The following MYRIP variants were observed in gnomAD, a reference collection of about 807,000 sequenced individuals.
The protein encoded by MYRIP is rab effector MyRIP.
MYRIP carries 49 observed loss-of-function variants against 98.0 expected under a neutral mutation model. The ratio of observed to expected loss-of-function variants is 0.50; its 90% CI spans 0.40 to 0.63. The LOEUF is 0.63. Ranked by LOEUF, MYRIP falls within the 30% of genes least tolerant of loss-of-function variation. The pLI is 0.00. For synonymous variants in MYRIP, 404 were observed against 409.5 expected (o/e 0.99, Z 0.16); for missense variants, 1,004 against 1,058.2 (o/e 0.95, Z 0.71).
In MYRIP at chr3:40,075,901, G is replaced by A. The variant is rs114075244; in HGVS notation, c.332+31630G>A. ...ATTGTCAGGAAAGCTAATCTGTGAT[G>A]ACAAAGAAACCCCAAAGGCTGGGCA... On this transcript the variant is annotated intron_variant, in intron 3 of 16. Coordinates refer to ENST00000302541, the MANE Select transcript of MYRIP (RefSeq NM_015460.4). Among the ~76,000 whole-genome samples, 1,077 of 152,232 alleles carry A rather than the reference G, an allele frequency of 7.1e-3. 17 individuals are homozygous for A. Among genetic ancestry groups the A allele is most frequent in the African/African-American group, 0.025 (1,018 of 41,546 alleles).
intron 3 of MYRIP, among the ~76,000 whole-genome samples, chr3:40,134,116 AG>A (rs1949707430): frequency 1.3e-5 from 2 of 152,226 alleles, no homozygotes; most frequent in Non-Finnish European, 2.9e-5. Flanking sequence ...GCAAGAAATC[AG>A]GGAATTCCCT....
intron 3 of MYRIP, among the ~76,000 whole-genome samples, chr3:40,062,405 T>C (rs955384768): frequency 2.0e-5 from 3 of 152,200 alleles, no homozygotes; most frequent in African/African-American, 4.8e-5. Flanking sequence ...CAGATGGTCA[T>C]AGGTGTGCAG....
At chr3:40,045,150 C>A (rs1334748076) in intron 3 of MYRIP, among the ~76,000 whole-genome samples, 2 of 152,126 alleles carry the variant, frequency 1.3e-5, no homozygotes, top group African/African-American at 4.8e-5. Flanking sequence ...TTCTTTCCTC[C>A]TTTCTCCTCT....
intron 1 of MYRIP, among the ~76,000 whole-genome samples, chr3:39,847,447 A>G (rs1281376324): frequency 6.6e-6 from 1 of 152,176 alleles, no homozygotes; most frequent in Non-Finnish European, 1.5e-5. Context: ...AGAAATACTC[A>G]TGATAGTTAC....
intron 10 of MYRIP, among the ~76,000 whole-genome samples, chr3:40,196,202 C>T (rs1325168617): frequency 6.6e-6 from 1 of 151,766 alleles, no homozygotes; most frequent in African/African-American, 2.4e-5. Context: ...TACTTTCATT[C>T]ATTAATCCCA....
chr3:39,968,620 AG>A (rs1317427168), intron 2 of MYRIP, among the ~76,000 whole-genome samples: 1 of 152,150 alleles, frequency 6.6e-6, no homozygotes, highest in Non-Finnish European at 1.5e-5. Flanking sequence ...GTTTTCTTGA[AG>A]ATCAGATGGT....
chr3:39,892,427 G>T (rs1018264593), intron 1 of MYRIP, among the ~76,000 whole-genome samples: 2 of 152,192 alleles, frequency 1.3e-5, no homozygotes, highest in African/African-American at 4.8e-5. Context: ...AGGCCTTAGG[G>T]GTTAAGCACA....
At chr3:40,214,996 G>T (rs1159866384) in intron 11 of MYRIP, among the ~76,000 whole-genome samples, 2 of 152,104 alleles carry the variant, frequency 1.3e-5, no homozygotes, top group Non-Finnish European at 1.5e-5. Flanking sequence ...GTAGATATGC[G>T]ATAGAATACA....
chr3:40,177,593 T>TGCATTC (rs769486026), intron 8 of MYRIP, among the ~76,000 whole-genome samples: 4 of 152,206 alleles, frequency 2.6e-5, no homozygotes, highest in Non-Finnish European at 5.9e-5. Context: ...TCAGTGCGAA[T>TGCATTC]GCTCCATTTT....
In MYRIP at chr3:39,937,252, G is replaced by A. The variant is rs1168507558; in HGVS notation, c.110+36326G>A. ...TCTGAGACATTAACATTGTGCATGT[G>A]CCTCACACAAGGTCAAATAGTAAAA... On this transcript the variant is annotated intron_variant, in intron 2 of 16. Transcript: ENST00000302541. Among the ~76,000 whole-genome samples the A allele has an allele frequency of 5.3e-5, 8 of 152,308 alleles. No homozygotes were observed. The East Asian group carries it at 1.5e-3, about 29-fold the overall frequency.
At chr3:40,021,186 T>C (rs1179538165) in intron 2 of MYRIP, among the ~76,000 whole-genome samples, 2 of 152,188 alleles carry the variant, frequency 1.3e-5, no homozygotes, top group Non-Finnish European at 2.9e-5. Context: ...AAAAACATTC[T>C]GTAGGATTTT....
At chr3:40,123,342 A>G (rs917228448) in intron 3 of MYRIP, among the ~76,000 whole-genome samples, 8 of 152,190 alleles carry the variant, frequency 5.3e-5, no homozygotes, top group African/African-American at 1.9e-4. Context: ...GTTATTTAAG[A>G]TTGTCCTTTG....
chr3:40,035,268 G>A (rs1348934683), intron 2 of MYRIP, among the ~76,000 whole-genome samples: 5 of 151,200 alleles, frequency 3.3e-5, no homozygotes, highest in South Asian at 2.1e-4. Flanking sequence ...AATCAAAACC[G>A]CAAAACCCCA....
chr3:39,867,229 G>A (rs1246211553), intron 1 of MYRIP, among the ~76,000 whole-genome samples: 3 of 152,196 alleles, frequency 2.0e-5, no homozygotes, highest in South Asian at 2.1e-4. Flanking sequence ...AAACTCCCAG[G>A]AGAAAACATT....
At chr3:40,133,737 CAG>C (rs955712787) in intron 3 of MYRIP, among the ~76,000 whole-genome samples, 5 of 152,092 alleles carry the variant, frequency 3.3e-5, no homozygotes, top group Non-Finnish European at 5.9e-5. Context: ...TCTCCAAAAA[CAG>C]GGGGAAAAAA....
At chr3:40,074,953 A>C (rs1948312860) in intron 3 of MYRIP, among the ~76,000 whole-genome samples, 1 of 152,220 alleles carries the variant, frequency 6.6e-6, no homozygotes, top group South Asian at 2.1e-4. Flanking sequence ...GTTTCCTCAA[A>C]ATTATAAAAG....
intron 3 of MYRIP, among the ~76,000 whole-genome samples, chr3:40,054,769 T>C (rs954934798): frequency 1.3e-5 from 2 of 152,182 alleles, no homozygotes; most frequent in African/African-American, 4.8e-5. Context: ...AATGTCTCTC[T>C]CTGGCACTTT....
At chr3:40,103,219 T>A (rs1026130433) in intron 3 of MYRIP, among the ~76,000 whole-genome samples, 1 of 152,108 alleles carries the variant, frequency 6.6e-6, no homozygotes, top group Non-Finnish European at 1.5e-5. Context: ...CAGCAGTGGC[T>A]CCTGCATGCT....
chr3:40,160,993 G>A (rs2091354), intron 4 of MYRIP, among the ~76,000 whole-genome samples: 2,200 of 152,262 alleles, frequency 0.014, 47 homozygotes, highest in African/African-American at 0.05. Context: ...GCTGTAGACC[G>A]GAGCTGTTCC....
Sources: allele counts gnomAD v4.1 joint callset (sites outside exome capture counted in the v4.1 genomes callset), GRCh38; gene constraint gnomAD v4.1.1; transcripts MANE v1.5; gene names NCBI Gene and HGNC (gene_info 2026-07-23, HGNC 2026-07-21).